Variants in IL7 observed in about 807,000 individuals in gnomAD.
IL7 encodes the protein interleukin 7, also known as interleukin-7.
Under a neutral mutation model 21.6 loss-of-function variants are expected in IL7, and 3 were observed. The observed-to-expected ratio is 0.14, with a 90% CI of 0.06 to 0.36. The LOEUF (loss-of-function observed/expected upper bound fraction) is 0.36, where lower values mean the gene tolerates loss of function less well. IL7 is among the 10% of genes least tolerant of loss of function. The probability of loss-of-function intolerance (pLI) is 1.00; values close to 1 mark genes in which losing one functional copy is unlikely to be tolerated. For missense variants in IL7, 175 were observed against 200.2 expected (o/e 0.87, Z 0.76); for synonymous variants, 62 against 68.1 (o/e 0.91, Z 0.44).
intron 2 of IL7, among the ~76,000 whole-genome samples, chr8:78,776,274 T>G (rs1813134985): frequency 6.6e-6 from 1 of 152,030 alleles, no homozygotes; most frequent in Non-Finnish European, 1.5e-5. Flanking sequence ...GCAGGTAGCA[T>G]CCACAGCCCG....
downstream of IL7, among the ~76,000 whole-genome samples, chr8:78,727,823 A>C (rs1210527009): frequency 1.3e-5 from 2 of 151,978 alleles, no homozygotes; most frequent in African/African-American, 4.8e-5. Context: ...TTCTATGTTC[A>C]CAGAAGGCAT....
intron 2 of IL7, among the ~76,000 whole-genome samples, chr8:78,744,607 G>A (rs1811914139): frequency 6.6e-6 from 1 of 152,184 alleles, no homozygotes; most frequent in Non-Finnish European, 1.5e-5. Flanking sequence ...GACCATCGCT[G>A]CTTGGCCCAC....
intron 2 of IL7, among the ~76,000 whole-genome samples, chr8:78,740,784 G>A (rs751209961): frequency 2.2e-4 from 33 of 152,154 alleles, no homozygotes; most frequent in Non-Finnish European, 3.4e-4. Context: ...TGGGATGGTT[G>A]AGGTAGAATT....
chr8:78,774,522 T>C (rs1350679670), intron 2 of IL7, among the ~76,000 whole-genome samples: 1 of 152,144 alleles, frequency 6.6e-6, no homozygotes, highest in African/African-American at 2.4e-5. Context: ...AAAACGTGAC[T>C]ATATTAATTT....
chr8:78,760,653 C>A, intron 2 of IL7: 1 of 1,591,858 alleles, frequency 6.3e-7, no homozygotes, highest in African/African-American at 1.4e-5. Context: ...GAGAATATAT[C>A]TTTAAGTTCC....
intron 2 of IL7, among the ~76,000 whole-genome samples, chr8:78,769,875 A>G (rs1041935514): frequency 3.3e-5 from 5 of 152,182 alleles, no homozygotes; most frequent in African/African-American, 1.2e-4. Flanking sequence ...CTCAGAAATA[A>G]TGCCACACAT....
At chr8:78,689,235 T>C in intron 3 of IL7, 1 of 1,571,422 alleles carries the variant, frequency 6.4e-7, no homozygotes, top group Non-Finnish European at 8.6e-7. Context: ...ATATTCAATG[T>C]CCATATTGTC....
chr8:78,800,603 C>T (rs563289562), intron 1 of IL7, among the ~76,000 whole-genome samples: 2 of 152,280 alleles, frequency 1.3e-5, no homozygotes, highest in East Asian at 3.9e-4. Context: ...CCGGCCATAC[C>T]ACATTTTCTT....
intron 2 of IL7, among the ~76,000 whole-genome samples, chr8:78,778,962 C>G (rs575144265): frequency 6.6e-6 from 1 of 152,090 alleles, no homozygotes; most frequent in Admixed American, 6.6e-5. Flanking sequence ...CTTCACTTGC[C>G]CTTGTTAGCT....
intron 3 of IL7, among the ~76,000 whole-genome samples, chr8:78,708,957 C>T (rs11986947): frequency 0.69 from 104,195 of 151,980 alleles, 36,553 homozygotes; most frequent in East Asian, 0.91. Context: ...TGAGCCACCA[C>T]GCCCGGCCAA....
At chr8:78,792,335 G>A (rs1247142960) in intron 2 of IL7, among the ~76,000 whole-genome samples, 1 of 152,080 alleles carries the variant, frequency 6.6e-6, no homozygotes, top group Non-Finnish European at 1.5e-5. Flanking sequence ...AAAGCTCTTA[G>A]AATAAAACAT....
chr8:78,753,417 GGTTT>G (rs893001986), intron 2 of IL7, among the ~76,000 whole-genome samples: 39 of 152,138 alleles, frequency 2.6e-4, no homozygotes, highest in African/African-American at 8.9e-4. Flanking sequence ...CTTTTTGATG[GGTTT>G]GTTTATTTTT....
At chr8:78,689,763 C>G (rs1425629605) in intron 3 of IL7, among the ~76,000 whole-genome samples, 2 of 152,036 alleles carry the variant, frequency 1.3e-5, no homozygotes, top group African/African-American at 4.8e-5. Context: ...TGTGACTTGG[C>G]TTTCCATTTT....
At chr8:78,687,823 A>T (rs1448845074) in intron 3 of IL7, among the ~76,000 whole-genome samples, 1 of 125,854 alleles carries the variant, frequency 7.9e-6, no homozygotes, top group Non-Finnish European at 1.6e-5. Flanking sequence ...AAATATATAT[A>T]TTCATGTAAT....
intron 3 of IL7, among the ~76,000 whole-genome samples, chr8:78,688,098 T>C (rs1810086159): frequency 6.6e-6 from 1 of 151,354 alleles, no homozygotes; most frequent in South Asian, 2.1e-4. Flanking sequence ...CGAAACCCTG[T>C]TCTAGAGTAT....
intron 4 of IL7, chr8:78,678,494 A>G (rs1204725674): frequency 2.5e-6 from 3 of 1,212,950 alleles, no homozygotes; most frequent in East Asian, 2.4e-5. Flanking sequence ...GTCTCAATGT[A>G]AATAAAGTTC....
At chr8:78,716,206 T>C (rs1427106289), downstream of IL7, among the ~76,000 whole-genome samples, 1 of 151,610 alleles carries the variant, frequency 6.6e-6, no homozygotes, top group Non-Finnish European at 1.5e-5. Flanking sequence ...CACTGCAAGC[T>C]GTGCCTCCCA....
chr8:78,738,672 A>G, intron 3 of IL7, 37 bp from the exon 4 acceptor site: 3 of 1,588,218 alleles, frequency 1.9e-6, no homozygotes, highest in Non-Finnish European at 2.6e-6. Context: ...CATGGTTCAA[A>G]TAAAATATTA....
intron 2 of IL7, among the ~76,000 whole-genome samples, chr8:78,745,995 T>C (rs193267318): frequency 1.3e-5 from 2 of 152,238 alleles, no homozygotes; most frequent in Non-Finnish European, 1.5e-5. Flanking sequence ...GAACTTGTGA[T>C]AGCATTTAGG....
Sources: gnomAD v4.1 joint callset for allele counts (sites outside exome capture counted in the v4.1 genomes callset) on GRCh38, gnomAD v4.1.1 for gene constraint, MANE v1.5 for transcripts, NCBI Gene and HGNC (gene_info 2026-07-23, HGNC 2026-07-21) for gene names.